The following XRN1 variants were observed in gnomAD, a reference collection of about 807,000 sequenced individuals.
XRN1 encodes 5'-3' exoribonuclease 1.
XRN1 carries 67 observed loss-of-function variants against 222.3 expected under a neutral mutation model. The observed-to-expected ratio is 0.30, with a 90% CI of 0.25 to 0.37. The LOEUF (loss-of-function observed/expected upper bound fraction) is 0.37, where lower values mean the gene tolerates loss of function less well. XRN1 is among the 10% of genes least tolerant of loss of function. The pLI is 1.00. For missense variants in XRN1, 1,707 were observed against 2,000.2 expected, an observed-to-expected ratio of 0.85 and a Z score of 2.80; for synonymous variants, 643 against 652.4, an observed-to-expected ratio of 0.99 and a Z score of 0.22.
intron 25 of XRN1, among the ~76,000 whole-genome samples, chr3:142,373,132 A>G (rs2067035189): frequency 6.6e-6 from 1 of 152,164 alleles, no homozygotes; most frequent in African/African-American, 2.4e-5. Flanking sequence ...AGAAGGATAA[A>G]TCCTAGAATT....
At chr3:142,412,075 C>T (rs1464219590) in intron 15 of XRN1, among the ~76,000 whole-genome samples, 1 of 152,102 alleles carries the variant, frequency 6.6e-6, no homozygotes, top group Non-Finnish European at 1.5e-5. Flanking sequence ...CTGCCCGCCT[C>T]AGCCTCCCAA....
At chr3:142,412,237 G>T (rs2068613986) in intron 15 of XRN1, among the ~76,000 whole-genome samples, 1 of 152,102 alleles carries the variant, frequency 6.6e-6, no homozygotes, top group Non-Finnish European at 1.5e-5. Flanking sequence ...TCTGTTATTA[G>T]ATACAACATA....
chr3:142,415,299 G>T (rs1199970257), intron 13 of XRN1, among the ~76,000 whole-genome samples: 1 of 151,866 alleles, frequency 6.6e-6, no homozygotes, highest in African/African-American at 2.4e-5. Context: ...ACATTGAAAT[G>T]TTTTTGTATT....
At chr3:142,413,082 C>A (rs753038647) in intron 14 of XRN1, among the ~76,000 whole-genome samples, 141 of 152,076 alleles carry the variant, frequency 9.3e-4, no homozygotes, top group Non-Finnish European at 1.6e-3. Flanking sequence ...AGAACTGATT[C>A]TATTAAGTAA....
In XRN1 at chr3:142,425,437, C is replaced by T; in HGVS notation, c.508G>A (p.Gly170Ser). Residue 170 changes from glycine to serine, a missense_variant, in exon 4 of 41, where the codon GGC (glycine) becomes AGC (serine). Physicochemically the swap from Gly to Ser is moderately conservative, Grantham distance 56 (BLOSUM62 0). Transcript: ENST00000392981. ...SWQGVTIYFS[G>S]HETPGEGEHK... Reference sequence around the variant, plus strand: ...TAAAAAAAGATAATAACCTCATGGCCTGAGAAGTAGATGGTAACTCCTTGC... The same window carrying T: ...TAAAAAAAGATAATAACCTCATGGCTTGAGAAGTAGATGGTAACTCCTTGC... 2 of 1,611,056 alleles carry T rather than the reference C, an allele frequency of 1.2e-6. No homozygotes were observed. Among genetic ancestry groups the T allele is most frequent in the Non-Finnish European group, 1.7e-6 (2 of 1,178,308 alleles).
At chr3:142,385,785 T>C (rs2067478310) in intron 20 of XRN1, among the ~76,000 whole-genome samples, 1 of 152,098 alleles carries the variant, frequency 6.6e-6, no homozygotes, top group African/African-American at 2.4e-5. Context: ...TTTTCATCTC[T>C]TTGTGCTTTT....
intron 27 of XRN1, among the ~76,000 whole-genome samples, chr3:142,370,263 T>C (rs2066949481): frequency 6.6e-6 from 1 of 152,206 alleles, no homozygotes; most frequent in South Asian, 2.1e-4. Flanking sequence ...AATGTAGCCA[T>C]TAACATATTA....
At chr3:142,406,185 C>T (rs1302761108) in intron 15 of XRN1, among the ~76,000 whole-genome samples, 5 of 151,938 alleles carry the variant, frequency 3.3e-5, no homozygotes, top group Admixed American at 2.0e-4. Context: ...AAATAGAAAG[C>T]CCAGAAATAA....
At chr3:142,380,853 GC>G (rs1435822866) in intron 22 of XRN1, among the ~76,000 whole-genome samples, 1 of 152,012 alleles carries the variant, frequency 6.6e-6, no homozygotes, top group Non-Finnish European at 1.5e-5. Context: ...TTGCCATGTT[GC>G]CCAGGCTGGT....
rs1282548460 is a variant in XRN1, at chr3:142,311,433, T to A, written c.*78A>T. 1 of 1,337,482 alleles carries A rather than the reference T, an allele frequency of 7.5e-7. No individual in the cohort carries two copies. The highest frequency in any genetic ancestry group is 2.4e-5 in the East Asian group (1 of 42,280). The allele number at this position is 1,337,482 out of a possible 1,614,324, so 82.9% of individuals were successfully genotyped here. ...ATTATTTTAAAATAGTACATTCTAA[T>A]TTTTATGAGACATAGATATGTATTT... On this transcript the variant is annotated 3_prime_UTR_variant, in exon 41 of 41. Transcript: ENST00000392981.
chr3:142,386,799 CTAT>C (rs1448151083), intron 20 of XRN1, among the ~76,000 whole-genome samples: 8 of 152,120 alleles, frequency 5.3e-5, no homozygotes, highest in African/African-American at 9.7e-5. Context: ...GATACTACTA[CTAT>C]ACCAAAATGG....
intron 1 of XRN1, among the ~76,000 whole-genome samples, chr3:142,437,483 T>C (rs370006259): frequency 2.6e-5 from 4 of 152,324 alleles, no homozygotes; most frequent in East Asian, 1.9e-4. Flanking sequence ...CCTAAACCCA[T>C]AGGATACTAC....
intron 10 of XRN1, among the ~76,000 whole-genome samples, chr3:142,420,679 T>C (rs187162226): frequency 1.8e-3 from 269 of 152,188 alleles, no homozygotes; most frequent in African/African-American, 6.2e-3. Flanking sequence ...CCTTAAATAA[T>C]TGTTTTTAAT....
Position 142,356,915 on chromosome 3 carries a change from A to C in XRN1, c.3669T>G (p.Thr1223=), listed in dbSNP as rs2066481008. Residue 1223 remains threonine (T), a synonymous_variant, in exon 31 of 41, where the codon ACT becomes ACG. Coordinates refer to ENST00000392981, the MANE Select transcript of XRN1 (RefSeq NM_001282857.2). ...AGTTAAAGACTGAGAGTCTTACTTGAGTAGGAACAAAAAGTGATTGAGGGG... is the reference window on the plus strand; with the variant it reads ...AGTTAAAGACTGAGAGTCTTACTTGCGTAGGAACAAAAAGTGATTGAGGGG... ...NHSPQSLFVP[T]QVPTKDDDEF... 1.2e-6 allele frequency: 2 copies of C among 1,613,734 alleles called. No homozygotes were observed. Among genetic ancestry groups the C allele is most frequent in the African/African-American group, 2.7e-5 (2 of 74,924 alleles).
chr3:142,372,575 A>T (rs1450810245), intron 25 of XRN1, among the ~76,000 whole-genome samples: 2 of 152,190 alleles, frequency 1.3e-5, no homozygotes, highest in Non-Finnish European at 2.9e-5. Context: ...TAGATTGGGC[A>T]TTGATTTGCG....
At position 142,341,214 on chromosome 3, in the gene XRN1, T is replaced by A. The variant is rs368153203; in HGVS notation, c.3878-5705A>T. On this transcript the variant is annotated intron_variant, in intron 33 of 40. Coordinates refer to ENST00000392981, the MANE Select transcript of XRN1 (RefSeq NM_001282857.2). Reference sequence around the variant, plus strand: ...TTTTTGTTTATGCAAGCAGTGTTGTTAAGTGTTAAGTTGCTTAAAATAATG... The same window carrying A: ...TTTTTGTTTATGCAAGCAGTGTTGTAAAGTGTTAAGTTGCTTAAAATAATG... Among the ~76,000 whole-genome samples, 22 of 152,254 alleles carry A rather than the reference T, an allele frequency of 1.4e-4. No homozygotes were observed. In the East Asian group the frequency reaches 3.9e-3, roughly 27 times the overall value.
At chr3:142,401,631 T>A (rs921957401) in intron 18 of XRN1, among the ~76,000 whole-genome samples, 9 of 152,006 alleles carry the variant, frequency 5.9e-5, no homozygotes, top group African/African-American at 2.2e-4. Flanking sequence ...GGCAGGAGAA[T>A]CGCTCCTGGG....
At chr3:142,362,756 TTC>T (rs1476212490) in intron 29 of XRN1, among the ~76,000 whole-genome samples, 2 of 140,312 alleles carry the variant, frequency 1.4e-5, no homozygotes, top group Non-Finnish European at 3.1e-5. Context: ...CTCCCTTCCT[TTC>T]TTCCTTTTCT....
At chr3:142,410,325 A>G (rs891560417) in intron 15 of XRN1, among the ~76,000 whole-genome samples, 4 of 152,032 alleles carry the variant, frequency 2.6e-5, no homozygotes, top group African/African-American at 9.7e-5. Context: ...GATGTTTGTG[A>G]AAAAAATATT....
Sources: allele counts gnomAD v4.1 joint callset (sites outside exome capture counted in the v4.1 genomes callset), GRCh38; gene constraint gnomAD v4.1.1; transcripts MANE v1.5; gene names NCBI Gene and HGNC (gene_info 2026-07-23, HGNC 2026-07-21).